GPR137B: variants seen among roughly 807,000 people sequenced by gnomAD.
GPR137B encodes the protein G protein-coupled receptor 137B.
Under a neutral mutation model 42.5 loss-of-function variants are expected in GPR137B, and 42 were observed. The ratio of observed to expected loss-of-function variants is 0.99; its 90% CI spans 0.77 to 1.28. The LOEUF (loss-of-function observed/expected upper bound fraction) is 1.28, where lower values mean the gene tolerates loss of function less well. GPR137B is among the 50% of genes most tolerant of loss of function. The pLI, the probability that GPR137B is intolerant of heterozygous loss-of-function variation, is 0.00. For synonymous variants in GPR137B, 218 were observed against 209.7 expected, an observed-to-expected ratio of 1.04 and a Z score of -0.34; for missense variants, 487 against 493.9, an observed-to-expected ratio of 0.99 and a Z score of 0.13.
At chr1:236,147,922 G>T (rs910316086) in intron 1 of GPR137B, among the ~76,000 whole-genome samples, 2 of 152,166 alleles carry the variant, frequency 1.3e-5, no homozygotes, top group African/African-American at 4.8e-5. Context: ...AACTCTCTCC[G>T]GGCCGTCTGT....
chr1:236,204,505 G>A (rs548449369), intron 5 of GPR137B, among the ~76,000 whole-genome samples: 1 of 152,226 alleles, frequency 6.6e-6, no homozygotes, highest in South Asian at 2.1e-4. Context: ...GTAGAATTCT[G>A]CAGTGAAGCC....
chr1:236,167,166 C>T (rs753941782), intron 1 of GPR137B, among the ~76,000 whole-genome samples: 6 of 152,138 alleles, frequency 3.9e-5, no homozygotes, highest in South Asian at 2.1e-4. Flanking sequence ...AAGTGTGCAC[C>T]GTGATGTTTT....
At chr1:236,159,857 C>T (rs547769368) in intron 1 of GPR137B, among the ~76,000 whole-genome samples, 5 of 152,198 alleles carry the variant, frequency 3.3e-5, no homozygotes, top group South Asian at 2.1e-4. Flanking sequence ...CCCACAGGTC[C>T]GGGATGAGGA....
chr1:236,161,346 C>T (rs1476977623), intron 1 of GPR137B, among the ~76,000 whole-genome samples: 1 of 151,992 alleles, frequency 6.6e-6, no homozygotes, highest in Non-Finnish European at 1.5e-5. Context: ...CTCCGGGCTC[C>T]TGCAGCACCT....
intron 5 of GPR137B, among the ~76,000 whole-genome samples, chr1:236,199,778 A>G (rs1246081908): frequency 6.6e-6 from 1 of 151,878 alleles, no homozygotes; most frequent in African/African-American, 2.4e-5. Context: ...TGGTCTATCA[A>G]TTTTGTTTAT....
intron 1 of GPR137B, among the ~76,000 whole-genome samples, chr1:236,146,926 G>A (rs575000345): frequency 3.0e-4 from 45 of 152,090 alleles, no homozygotes; most frequent in African/African-American, 1.1e-3. Context: ...CTCCTGCCTC[G>A]GCCTCCTTAG....
chr1:236,144,426 A>G (rs145282958), intron 1 of GPR137B, among the ~76,000 whole-genome samples: 5 of 152,318 alleles, frequency 3.3e-5, no homozygotes, highest in Non-Finnish European at 5.9e-5. Flanking sequence ...ACAAACGAAC[A>G]AACAAACAAA....
In GPR137B at chr1:236,205,058, G is replaced by T. The variant is rs373087192; in HGVS notation, c.967-68G>T. 296 of 1,324,114 alleles carry T rather than the reference G, an allele frequency of 2.2e-4. 1 individual carries two copies. In the East Asian group the frequency reaches 5.4e-3, roughly 24 times the overall value. 82.0% of individuals were successfully genotyped at this position (1,324,114 alleles called of 1,614,324 possible). A position where few individuals can be genotyped will look rare whatever the true frequency, so the allele number is the denominator to read the frequency against. On this transcript the variant is annotated intron_variant, in intron 5 of 6. Coordinates refer to ENST00000366592, the MANE Select transcript of GPR137B (RefSeq NM_003272.4). ...CATCTTTAGTCTCCTACAAGAAAGA[G>T]ATCTTATTTTTGTCTGGTGCAAGGC... is the stretch of plus-strand genomic sequence containing the variant.
chr1:236,185,051 G>A (rs1452070092), intron 5 of GPR137B, among the ~76,000 whole-genome samples: 1 of 152,198 alleles, frequency 6.6e-6, no homozygotes, highest in Non-Finnish European at 1.5e-5. Context: ...ACAGGCGTGG[G>A]CCACCGCACC....
chr1:236,207,681 C>T (rs1250781031), intron 6 of GPR137B, among the ~76,000 whole-genome samples: 1 of 152,244 alleles, frequency 6.6e-6, no homozygotes, highest in East Asian at 1.9e-4. Context: ...TACTCCCATT[C>T]TAAGATGAGG....
At chr1:236,183,742 C>G in intron 4 of GPR137B, 36 bp from the exon 5 acceptor site, 1 of 1,532,618 alleles carries the variant, frequency 6.5e-7, no homozygotes, top group Non-Finnish European at 9.0e-7. Context: ...TTCCTCTTCC[C>G]TTGGTCTGAT....
intron 5 of GPR137B, among the ~76,000 whole-genome samples, chr1:236,191,650 C>T (rs1409415291): frequency 1.3e-5 from 2 of 152,208 alleles, no homozygotes; most frequent in African/African-American, 2.4e-5. Flanking sequence ...GTATCACCAG[C>T]GGAGGCTGCA....
chr1:236,192,225 G>C (rs982550548), intron 5 of GPR137B, among the ~76,000 whole-genome samples: 1 of 152,144 alleles, frequency 6.6e-6, no homozygotes, highest in East Asian at 1.9e-4. Context: ...TGCTGGCAGC[G>C]AGGATTTCAA....
At chr1:236,172,333 A>G (rs1284696433) in intron 2 of GPR137B, among the ~76,000 whole-genome samples, 1 of 152,216 alleles carries the variant, frequency 6.6e-6, no homozygotes, top group Admixed American at 6.5e-5. Flanking sequence ...TCATTTAATC[A>G]TAACTCACTT....
At chr1:236,179,203 G>A (rs1395718131) in intron 3 of GPR137B, among the ~76,000 whole-genome samples, 1 of 152,064 alleles carries the variant, frequency 6.6e-6, no homozygotes, top group Admixed American at 6.6e-5. Context: ...AGCTAACAAA[G>A]CACTACTGGC....
intron 2 of GPR137B, among the ~76,000 whole-genome samples, chr1:236,176,438 C>T (rs114952309): frequency 0.023 from 3,427 of 152,146 alleles, 49 homozygotes; most frequent in East Asian, 0.032. Context: ...TGTCCCTCCT[C>T]CAGGGCACAC....
intron 1 of GPR137B, among the ~76,000 whole-genome samples, chr1:236,161,992 CAG>C (rs1239896430): frequency 2.6e-5 from 4 of 151,642 alleles, no homozygotes; most frequent in African/African-American, 7.3e-5. Context: ...GGGTAACAGA[CAG>C]AGATTACAAC....
intron 2 of GPR137B, among the ~76,000 whole-genome samples, chr1:236,177,205 T>C (rs1662713427): frequency 6.6e-6 from 1 of 152,168 alleles, no homozygotes; most frequent in African/African-American, 2.4e-5. Flanking sequence ...GGGGTTGTTA[T>C]GTCACACTGG....
In GPR137B at chr1:236,142,855, A is replaced by G. The variant is rs757090723; in HGVS notation, c.233A>G (p.Gln78Arg). Reference protein sequence around the residue: ...LRYRHKRLSYQSVFLFLCLFW... With the variant: ...LRYRHKRLSYRSVFLFLCLFW... The stretch of plus-strand genomic sequence containing the variant: ...TACCGCCACAAGCGGCTCAGCTACC[A>G]GAGCGTCTTCCTCTTTCTCTGCCTC... Residue 78 changes from glutamine (Q) to arginine (R), a missense_variant, in exon 1 of 7, where the codon CAG becomes CGG. By Grantham distance (43) the Gln-to-Arg change is conservative. Transcript: ENST00000366592. 2.5e-6 allele frequency: 4 copies of G among 1,614,160 alleles called. No homozygotes were observed. Among genetic ancestry groups the G allele is most frequent in the South Asian group, 2.2e-5 (2 of 91,084 alleles).
Sources: gnomAD v4.1 joint callset for allele counts (sites outside exome capture counted in the v4.1 genomes callset) on GRCh38, gnomAD v4.1.1 for gene constraint, MANE v1.5 for transcripts, NCBI Gene and HGNC (gene_info 2026-07-23, HGNC 2026-07-21) for gene names.